CNTNAP2: variants seen among roughly 807,000 people sequenced by gnomAD.
The protein encoded by CNTNAP2 is contactin-associated protein-like 2.
Under a neutral mutation model 155.2 loss-of-function variants are expected in CNTNAP2, and 98 were observed. The observed-to-expected ratio is 0.63, with a 90% CI of 0.54 to 0.75. CNTNAP2 has a LOEUF of 0.75. Ranked by LOEUF, CNTNAP2 falls within the 30% of genes least tolerant of loss-of-function variation. The pLI is 0.00. For missense variants in CNTNAP2, 1,727 were observed against 1,688.1 expected, an observed-to-expected ratio of 1.02 and a Z score of -0.40; for synonymous variants, 651 against 631.2, an observed-to-expected ratio of 1.03 and a Z score of -0.47.
intron 2 of CNTNAP2, among the ~76,000 whole-genome samples, chr7:146,798,384 C>G (rs964062603): frequency 1.3e-5 from 2 of 152,120 alleles, no homozygotes; most frequent in African/African-American, 4.8e-5. Flanking sequence ...CTCTGTTGCC[C>G]AAGCTGGAGT....
intron 2 of CNTNAP2, among the ~76,000 whole-genome samples, chr7:146,814,587 CAATT>C (rs1160910866): frequency 6.6e-6 from 1 of 152,096 alleles, no homozygotes; most frequent in Non-Finnish European, 1.5e-5. Flanking sequence ...TAGAACTAGA[CAATT>C]AATATTCTTT....
chr7:147,984,029 A>C (rs1801576643), intron 15 of CNTNAP2, among the ~76,000 whole-genome samples: 1 of 152,222 alleles, frequency 6.6e-6, no homozygotes. Flanking sequence ...TATGGCAAAG[A>C]AACATGTTTG....
intron 10 of CNTNAP2, among the ~76,000 whole-genome samples, chr7:147,473,856 G>C (rs900643181): frequency 6.6e-6 from 1 of 152,052 alleles, no homozygotes; most frequent in African/African-American, 2.4e-5. Flanking sequence ...AAGGCGGGCA[G>C]ATCACCTGAG....
At chr7:147,346,300 G>A (rs989658574) in intron 9 of CNTNAP2, among the ~76,000 whole-genome samples, 21 of 150,668 alleles carry the variant, frequency 1.4e-4, no homozygotes, top group Non-Finnish European at 2.7e-4. Flanking sequence ...GACTACAGGC[G>A]CCCGCCACCG....
intron 21 of CNTNAP2, among the ~76,000 whole-genome samples, chr7:148,318,936 AT>A (rs1238264163): frequency 6.6e-6 from 1 of 152,218 alleles, no homozygotes; most frequent in Non-Finnish European, 1.5e-5. Context: ...TCTGGCCTAC[AT>A]TTTCAAAGTT....
intron 1 of CNTNAP2, among the ~76,000 whole-genome samples, chr7:146,423,557 T>C (rs1796044726): frequency 6.6e-6 from 1 of 152,182 alleles, no homozygotes; most frequent in South Asian, 2.1e-4. Context: ...ATATTTGTGC[T>C]CCAATTTTTA....
chr7:147,066,087 G>A lies in CNTNAP2; in HGVS notation c.550+22033G>A, dbSNP rs1013666915. On this transcript the variant is annotated intron_variant, in intron 4 of 23. Transcript: ENST00000361727. The stretch of plus-strand genomic sequence containing the variant: ...TTAATTCAGAGGTCTAAAAGCAAAA[G>A]CTTGATATCTGCAACAGGAGCTTGA... Among the ~76,000 whole-genome samples, 18 of 151,864 alleles carry A rather than the reference G, an allele frequency of 1.2e-4. 1 individual carries two copies. The highest frequency in any genetic ancestry group is 6.6e-5 in the Admixed American group (1 of 15,260).
chr7:147,061,559 G>A (rs1397607725), intron 4 of CNTNAP2, among the ~76,000 whole-genome samples: 1 of 152,160 alleles, frequency 6.6e-6, no homozygotes, highest in Non-Finnish European at 1.5e-5. Context: ...TACATACAGT[G>A]ATGCATGTGT....
intron 8 of CNTNAP2, among the ~76,000 whole-genome samples, chr7:147,163,925 G>A (rs759079437): frequency 5.9e-5 from 9 of 152,174 alleles, no homozygotes; most frequent in East Asian, 1.9e-4. Flanking sequence ...AGATTCATTC[G>A]AAAACTCAGG....
intron 4 of CNTNAP2, among the ~76,000 whole-genome samples, chr7:147,069,558 A>G (rs1200562654): frequency 6.6e-6 from 1 of 152,168 alleles, no homozygotes; most frequent in Non-Finnish European, 1.5e-5. Flanking sequence ...ACTTTCTGGG[A>G]TGGGACAGTA....
intron 13 of CNTNAP2, among the ~76,000 whole-genome samples, chr7:147,703,036 C>G (rs1026918970): frequency 6.6e-6 from 1 of 152,098 alleles, no homozygotes; most frequent in South Asian, 2.1e-4. Context: ...AGAAGTGTCA[C>G]TTTCCCTGGC....
intron 2 of CNTNAP2, among the ~76,000 whole-genome samples, chr7:146,837,455 T>C (rs953667341): frequency 1.1e-4 from 17 of 152,148 alleles, no homozygotes; most frequent in African/African-American, 3.9e-4. Context: ...TTAAAAAATG[T>C]TTATATGTTT....
At chr7:146,914,519 T>C (rs1796355152) in intron 3 of CNTNAP2, among the ~76,000 whole-genome samples, 1 of 152,124 alleles carries the variant, frequency 6.6e-6, no homozygotes, top group African/African-American at 2.4e-5. Flanking sequence ...TATCACATTG[T>C]GGTTTTGATT....
intron 1 of CNTNAP2, among the ~76,000 whole-genome samples, chr7:146,234,347 A>G (rs1408204886): frequency 6.6e-6 from 1 of 152,086 alleles, no homozygotes; most frequent in Non-Finnish European, 1.5e-5. Flanking sequence ...AGTTCATTGT[A>G]TATTCTGGAT....
intron 3 of CNTNAP2, among the ~76,000 whole-genome samples, chr7:146,953,965 T>C (rs1015203628): frequency 3.3e-5 from 5 of 152,004 alleles, no homozygotes; most frequent in South Asian, 4.1e-4. Flanking sequence ...ATCTTGTTTC[T>C]AGTTTTTGCT....
At position 147,300,182 on chromosome 7, in the gene CNTNAP2, C is replaced by G. The variant is rs1210288150; in HGVS notation, c.1390C>G (p.Leu464Val). The change falls in exon 9 of 24, where the codon CTA becomes GTA. Residue 464 changes from leucine (L) to valine (V), a missense_variant. Coordinates refer to ENST00000361727, the MANE Select transcript of CNTNAP2 (RefSeq NM_014141.6). ...TGGACAGTGGCACGAGGTTCGCTTC[C>G]TAGCCAAGGAAAATTTTGCTATTCT... is the stretch of plus-strand genomic sequence containing the variant. ...NDGQWHEVRF[L>V]AKENFAILTI... The G allele has an allele frequency of 2.5e-6, 4 of 1,613,876 alleles. No homozygotes were observed. The highest frequency in any genetic ancestry group is 3.4e-6 in the Non-Finnish European group (4 of 1,179,936).
At chr7:147,488,858 T>C (rs1266108503) in intron 11 of CNTNAP2, among the ~76,000 whole-genome samples, 1 of 152,190 alleles carries the variant, frequency 6.6e-6, no homozygotes, top group African/African-American at 2.4e-5. Flanking sequence ...TAGGAATAGA[T>C]AATTAACAGT....
chr7:147,152,318 G>C (rs1303673491), intron 8 of CNTNAP2, among the ~76,000 whole-genome samples: 1 of 151,896 alleles, frequency 6.6e-6, no homozygotes, highest in Non-Finnish European at 1.5e-5. Context: ...GGTTGTGGTG[G>C]TTAATTACAT....
chr7:147,050,651 C>T (rs767562097), intron 4 of CNTNAP2, among the ~76,000 whole-genome samples: 8 of 152,218 alleles, frequency 5.3e-5, no homozygotes, highest in Non-Finnish European at 1.2e-4. Context: ...GGGTCACACA[C>T]TAACTCCCCT....
Sources: gnomAD v4.1 joint callset for allele counts (sites outside exome capture counted in the v4.1 genomes callset) on GRCh38, gnomAD v4.1.1 for gene constraint, MANE v1.5 for transcripts, NCBI Gene and HGNC (gene_info 2026-07-23, HGNC 2026-07-21) for gene names.